RBM5: variants seen among roughly 807,000 people sequenced by gnomAD.
RBM5 encodes RNA binding motif protein 5.
RBM5 carries 15 observed loss-of-function variants against 124.6 expected under a neutral mutation model. The observed-to-expected ratio is 0.12, with a 90% CI of 0.08 to 0.19. RBM5 has a LOEUF of 0.19. Ranked by LOEUF, RBM5 falls within the 10% of genes least tolerant of loss-of-function variation. The pLI is 1.00. For synonymous variants in RBM5, 337 were observed against 361.2 expected (o/e 0.93, Z 0.76); for missense variants, 580 against 1,026.5 (o/e 0.57, Z 5.94).
intron 7 of RBM5, among the ~76,000 whole-genome samples, chr3:50,103,513 G>A (rs575241320): frequency 4.6e-4 from 70 of 152,236 alleles, no homozygotes; most frequent in Non-Finnish European, 7.6e-4. Flanking sequence ...TGGGCATCAC[G>A]GTGCGCGCCT....
At chr3:50,114,784 C>A (rs2091212619) in intron 20 of RBM5, 1 of 154,354 alleles carries the variant, frequency 6.5e-6, no homozygotes, top group Non-Finnish European at 1.4e-5. Flanking sequence ...GAGATCAAGG[C>A]TGCAGTGAGC....
At position 50,105,664 on chromosome 3, in the gene RBM5, C is replaced by A; in HGVS notation, c.810C>A (p.Thr270=). ...TCCGCCTCATAAAAGACAAACAGAC[C>A]CAGCAGAACAGAGGCTTCGCATTTG... ...NNIRLIKDKQ[T]QQNRGFAFVQ... is the part of the protein sequence containing the mutation. The change falls in exon 10 of 25, where the codon ACC becomes ACA. Residue 270 remains threonine (T), a synonymous_variant. Transcript: ENST00000347869. The A allele has an allele frequency of 1.2e-6, 2 of 1,614,136 alleles. No homozygotes were observed. The highest frequency in any genetic ancestry group is 1.7e-6 in the Non-Finnish European group (2 of 1,180,012).
chr3:50,109,502 T>G, intron 14 of RBM5, 101 bp from the exon 15 acceptor site: 1 of 907,156 alleles, frequency 1.1e-6, no homozygotes, highest in Non-Finnish European at 1.8e-6. Flanking sequence ...AGAACTGACA[T>G]ATACAATGAC....
intron 4 of RBM5, chr3:50,099,647 G>A (rs951225785): frequency 6.2e-6 from 1 of 160,238 alleles, no homozygotes; most frequent in South Asian, 1.7e-4. Context: ...GAAGTGAGCC[G>A]AGATCACGTC....
At chr3:50,114,478 A>G in intron 20 of RBM5, 2 of 503,790 alleles carry the variant, frequency 4.0e-6, no homozygotes, top group Non-Finnish European at 6.9e-6. Flanking sequence ...AGCTCAGTTA[A>G]TTAAGTTTCA....
At chr3:50,105,423 G>A in intron 9 of RBM5, 126 bp from the exon 10 acceptor site, 1 of 1,053,914 alleles carries the variant, frequency 9.5e-7, no homozygotes, top group Non-Finnish European at 1.4e-6. Flanking sequence ...TCTTCTCCAT[G>A]TCAGGGTAGA....
In RBM5 at chr3:50,100,033, C is replaced by G. The variant is rs1239480351; in HGVS notation, c.391C>G (p.Leu131Val). 1.2e-6 allele frequency: 2 copies of G among 1,613,954 alleles called. No individual in the cohort carries two copies. Among genetic ancestry groups the G allele is most frequent in the Admixed American group, 1.7e-5 (1 of 59,998 alleles). ...AGGCCCTCAGCCTGCGGATGTGAGG[C>G]TGATGAAGAGGAAAACAGGTGAGAG... ...FEGPQPADVR[L>V]MKRKTGVSRG... The change falls in exon 5 of 25, where the codon CTG (leucine) becomes GTG (valine). Residue 131 changes from leucine to valine, a missense_variant. This residue lies in a region of RBM5 where 101 missense variants were observed against 223.2 expected (regional missense o/e 0.45). Transcript: ENST00000347869. The surrounding 1 kb of genome is among the most constrained non-coding windows in gnomAD (Gnocchi z 5.1).
At chr3:50,118,200 C>T (rs1196243194) in intron 24 of RBM5, 131 bp from the exon 25 acceptor site, 2 of 1,273,364 alleles carry the variant, frequency 1.6e-6, no homozygotes, top group Non-Finnish European at 2.1e-6. Flanking sequence ...CTGGAGAAAT[C>T]CTTGTCTTCA....
chr3:50,110,122 A>G (rs558038116), intron 15 of RBM5, among the ~76,000 whole-genome samples: 2 of 152,322 alleles, frequency 1.3e-5, no homozygotes, highest in East Asian at 3.9e-4. Context: ...GAGGCAGGAG[A>G]ATTGCTTGAA....
At chr3:50,101,237 G>A (rs1257647541) in intron 6 of RBM5, 1 of 152,206 alleles carries the variant, frequency 6.6e-6, no homozygotes, top group Non-Finnish European at 1.5e-5. Context: ...TCGAGGTAGT[G>A]TTAACTGAAG....
At chr3:50,101,265 A>G (rs2090934785) in intron 6 of RBM5, 1 of 152,216 alleles carries the variant, frequency 6.6e-6, no homozygotes, top group Non-Finnish European at 1.5e-5. Context: ...CAGTTTGTCA[A>G]GATAATGTTC....
intron 3 of RBM5, chr3:50,093,167 C>T (rs879359481): frequency 1.9e-5 from 3 of 156,996 alleles, no homozygotes; most frequent in Admixed American, 6.4e-5. Context: ...AAGGCCGGCA[C>T]GGTGGCTTAC....
chr3:50,115,780 A>G, intron 21 of RBM5, 126 bp from the exon 22 acceptor site: 1 of 1,196,018 alleles, frequency 8.4e-7, no homozygotes, highest in Non-Finnish European at 1.2e-6. Flanking sequence ...ATCAAACTAT[A>G]GTTTTTATGT....
In RBM5 at chr3:50,113,501, G is replaced by A. The variant is rs748652496; in HGVS notation, c.1574G>A (p.Gly525Glu). 6.2e-7 allele frequency: 1 copy of A among 1,614,022 alleles called. No homozygotes were observed. Among genetic ancestry groups the A allele is most frequent in the African/African-American group, 1.3e-5 (1 of 74,990 alleles). The change falls in exon 18 of 25, where the codon GGG becomes GAG. Residue 525 changes from glycine (G) to glutamate (E), a missense_variant. Physicochemically the swap from Gly to Glu is moderately conservative, Grantham distance 98. Coordinates refer to ENST00000347869, the MANE Select transcript of RBM5 (RefSeq NM_005778.4). The part of the protein sequence containing the change: ...QQSGLPPAKE[G>E]KEKKEKPKSK... ...TCGGGCCTGCCTCCTGCAAAAGAGG[G>A]GAAAGAGAAGAAGGAGAAACCCAAG...
chr3:50,107,662 C>CTT, intron 12 of RBM5, 93 bp downstream of exon 12: 1 of 171,154 alleles, frequency 5.8e-6, no homozygotes, highest in Non-Finnish European at 1.1e-5. Context: ...AGTATGAGCT[C>CTT]TTTTCTTTTC....
chr3:50,114,283 C>T (rs1442957559), intron 20 of RBM5, 32 bp downstream of exon 20: 1 of 1,574,500 alleles, frequency 6.4e-7, no homozygotes, highest in South Asian at 1.2e-5. Context: ...TTTAAAGACC[C>T]TATCTGTGGT....
At chr3:50,105,331 G>GT (rs888511020) in intron 9 of RBM5, among the ~76,000 whole-genome samples, 189 bp downstream of exon 9, 68 of 152,060 alleles carry the variant, frequency 4.5e-4, no homozygotes, top group African/African-American at 1.5e-3. Context: ...ATTGACCTCA[G>GT]TTGGAAATTT....
At chr3:50,090,307 T>C in intron 1 of RBM5, 75 bp from the exon 2 acceptor site, 1 of 946,208 alleles carries the variant, frequency 1.1e-6, no homozygotes, top group Non-Finnish European at 1.6e-6. Context: ...CCAGCCTCAG[T>C]AGTATCCAAG....
rs760822517 is a variant in RBM5 at position 50,114,113 on chromosome 3, T to C, written c.1767+14T>C. 8 of 1,614,146 alleles carry C rather than the reference T, an allele frequency of 5.0e-6. No individual in the cohort carries two copies. The highest frequency in any genetic ancestry group is 5.1e-6 in the Non-Finnish European group (6 of 1,180,020). On this transcript the variant is annotated intron_variant, in intron 19 of 24. Coordinates refer to ENST00000347869, the MANE Select transcript of RBM5 (RefSeq NM_005778.4). ...TTTGAGAAGAAGGTAATAGCAGGAA[T>C]GGCCAGTATGTCATGATGGGAACTT... is the stretch of plus-strand genomic sequence containing the variant.
Sources: allele counts gnomAD v4.1 joint callset (sites outside exome capture counted in the v4.1 genomes callset), GRCh38; gene constraint gnomAD v4.1.1; regional missense constraint gnomAD v4.1.1; non-coding constraint Gnocchi (gnomAD v3.1); transcripts MANE v1.5; gene names NCBI Gene and HGNC (gene_info 2026-07-23, HGNC 2026-07-21).